The following PIGP variants were observed in gnomAD, a reference collection of about 807,000 sequenced individuals.
The protein encoded by PIGP is phosphatidylinositol N-acetylglucosaminyltransferase subunit P.
Under a neutral mutation model 16.9 loss-of-function variants are expected in PIGP, and 12 were observed. The observed-to-expected ratio is 0.71, with a 90% CI of 0.46 to 1.15. The LOEUF (loss-of-function observed/expected upper bound fraction) is 1.15, where lower values mean the gene tolerates loss of function less well. Among genes scored for constraint, PIGP ranks in the 50% most tolerant of loss-of-function variants. The pLI, the probability that PIGP is intolerant of heterozygous loss-of-function variation, is 0.00. For missense variants in PIGP, 159 were observed against 153.5 expected, an observed-to-expected ratio of 1.04 and a Z score of -0.19; for synonymous variants, 57 against 54.7, an observed-to-expected ratio of 1.04 and a Z score of -0.18.
chr21:37,069,547 C>T lies in PIGP; in HGVS notation c.155+5G>A. 6.6e-7 allele frequency: 1 copy of T among 1,518,354 alleles called. No individual in the cohort carries two copies. Among genetic ancestry groups the T allele is most frequent in the Non-Finnish European group, 8.9e-7 (1 of 1,118,662 alleles). 94.1% of individuals were successfully genotyped at this position (1,518,354 alleles called of 1,614,324 possible). Reference sequence around the variant, plus strand: ...ATCCTCATTTAAGAAATATATTAAACTTACTTTTGAGGCCAATAGGTTAAA... The same window carrying T: ...ATCCTCATTTAAGAAATATATTAAATTTACTTTTGAGGCCAATAGGTTAAA... On this transcript the variant is annotated splice_donor_5th_base_variant and intron_variant, in intron 3 of 4. Coordinates refer to ENST00000360525, the MANE Select transcript of PIGP (RefSeq NM_153682.3).
At position 37,065,451 on chromosome 21, in the gene PIGP, AG is replaced by A. The variant is rs1458067096; in HGVS notation, c.*130del. 6.6e-6 allele frequency: 5 copies of A among 756,422 alleles called. No individual in the cohort carries two copies. The highest frequency in any genetic ancestry group is 1.0e-5 in the Non-Finnish European group (5 of 489,210). The allele number at this position is 756,422 out of a possible 1,614,324, so 46.9% of individuals were successfully genotyped here. ...TACAATATTCATTGAACATAATCTAAGAGAAGGTCAACTTACATTTTTTACT... is the reference window on the plus strand; with the variant it reads ...TACAATATTCATTGAACATAATCTAAAGAAGGTCAACTTACATTTTTTACT... On this transcript the variant is annotated 3_prime_UTR_variant, in exon 5 of 5. Transcript: ENST00000360525.
chr21:37,066,927 T>C (rs996918047), intron 4 of PIGP, among the ~76,000 whole-genome samples: 2 of 152,150 alleles, frequency 1.3e-5, no homozygotes, highest in Non-Finnish European at 2.9e-5. Flanking sequence ...TTTCCTTTTA[T>C]ATAAGTTTGT....
At chr21:37,066,048 A>G (rs539809458) in intron 4 of PIGP, among the ~76,000 whole-genome samples, 2 of 152,182 alleles carry the variant, frequency 1.3e-5, no homozygotes, top group Admixed American at 1.3e-4. Flanking sequence ...GCGCCATTGC[A>G]CTCCAGCCTG....
intron 2 of PIGP, 45 bp downstream of exon 2, chr21:37,072,389 G>C: frequency 6.2e-7 from 1 of 1,611,844 alleles, no homozygotes; most frequent in Non-Finnish European, 8.5e-7. Context: ...CCTTGTCACT[G>C]AACGCCAGAA....
At chr21:37,070,023 C>T (rs940376130) in intron 2 of PIGP, among the ~76,000 whole-genome samples, 7 of 152,148 alleles carry the variant, frequency 4.6e-5, no homozygotes, top group African/African-American at 1.2e-4. Flanking sequence ...TAGTTCTCAT[C>T]CACCACATAC....
chr21:37,072,268 G>A (rs993673918), intron 2 of PIGP, 166 bp downstream of exon 2: 2 of 1,609,530 alleles, frequency 1.2e-6, no homozygotes, highest in Non-Finnish European at 8.5e-7. Flanking sequence ...GGCTAGTGCT[G>A]GCACACGGAA....
chr21:37,068,967 C>T (rs1431238393), intron 3 of PIGP, among the ~76,000 whole-genome samples: 4 of 152,154 alleles, frequency 2.6e-5, no homozygotes, highest in African/African-American at 9.7e-5. Flanking sequence ...CTTAACCTTG[C>T]CAGAGAGTAA....
At chr21:37,070,032 ACTGAG>A (rs1368713881) in intron 2 of PIGP, among the ~76,000 whole-genome samples, 3 of 152,100 alleles carry the variant, frequency 2.0e-5, no homozygotes, top group African/African-American at 7.2e-5. Flanking sequence ...TCCACCACAT[ACTGAG>A]CTTCTGCCCT....
intron 1 of PIGP, 136 bp from the exon 2 acceptor site, chr21:37,072,673 C>T (rs2146820010): frequency 6.7e-7 from 1 of 1,490,278 alleles, no homozygotes; most frequent in African/African-American, 1.4e-5. Context: ...GCAACCCGCG[C>T]CCCCGCCTCG....
chr21:37,072,677 C>T (rs542835416), intron 1 of PIGP, 140 bp from the exon 2 acceptor site: 10 of 1,452,650 alleles, frequency 6.9e-6, no homozygotes, highest in South Asian at 1.2e-5. Flanking sequence ...CCCGCGCCCC[C>T]GCCTCGAGCG....
chr21:37,070,638 C>G (rs2069988669), intron 2 of PIGP, among the ~76,000 whole-genome samples: 1 of 152,182 alleles, frequency 6.6e-6, no homozygotes, highest in African/African-American at 2.4e-5. Context: ...CTATCTCCCC[C>G]CGGCATGAGA....
At chr21:37,072,935 T>TG (rs983827135) in intron 1 of PIGP, 65 bp downstream of exon 1, 34 of 238,780 alleles carry the variant, frequency 1.4e-4, no homozygotes, top group Middle Eastern at 1.4e-3. Context: ...AGGCGGGGTA[T>TG]GGGGGGGCCC....
chr21:37,066,596 C>T lies in PIGP; in HGVS notation c.274+666G>A, dbSNP rs554704504. 1.4e-3 allele frequency among the ~76,000 whole-genome samples: 209 copies of T among 152,208 alleles called. 2 individuals are homozygous for T. The highest frequency in any genetic ancestry group is 4.6e-3 in the African/African-American group (190 of 41,518). ...AGAACTTTAAAAAAATAAAACCAGA[C>T]GAACGTGTTGTGGCTCTTTTATCCA... On this transcript the variant is annotated intron_variant, in intron 4 of 4. Transcript: ENST00000360525.
At chr21:37,069,335 T>G (rs769034331) in intron 3 of PIGP, 3 of 326,740 alleles carry the variant, frequency 9.2e-6, no homozygotes, top group Non-Finnish European at 1.7e-5. Context: ...TAACAAGATT[T>G]TTGGAGGAAA....
In PIGP at chr21:37,065,533, A is replaced by G; in HGVS notation, c.*49T>C. 6.4e-7 allele frequency: 1 copy of G among 1,570,416 alleles called. No homozygotes were observed. Among genetic ancestry groups the G allele is most frequent in the East Asian group, 2.3e-5 (1 of 43,816 alleles). On this transcript the variant is annotated 3_prime_UTR_variant, in exon 5 of 5. Transcript: ENST00000360525. ...ATTTATGGTCAAAATTATAATGGCA[A>G]AAACTTATAAATAAATACGTGCTTG...
At position 37,072,544 on chromosome 21, in the gene PIGP, A is replaced by T. The variant is rs2146818519; in HGVS notation, c.-22-7T>A. On this transcript the variant is annotated splice_polypyrimidine_tract_variant and splice_region_variant and intron_variant, in intron 1 of 4. Coordinates refer to ENST00000360525, the MANE Select transcript of PIGP (RefSeq NM_153682.3). ...TCCTGGGGCTTTAGACAATCTGTGG[A>T]AAAGGAACACAATCAGCGTCAGCGA... 1 of 1,614,164 alleles carries T rather than the reference A, an allele frequency of 6.2e-7. No homozygotes were observed. Among genetic ancestry groups the T allele is most frequent in the Non-Finnish European group, 8.5e-7 (1 of 1,179,956 alleles).
At chr21:37,072,169 C>T (rs747191105) in intron 2 of PIGP, 8 of 1,361,916 alleles carry the variant, frequency 5.9e-6, no homozygotes, top group African/African-American at 1.4e-5. Context: ...CACAAGACCA[C>T]GACCTCCTTA....
chr21:37,071,988 C>T (rs984831886), intron 2 of PIGP, among the ~76,000 whole-genome samples: 2 of 152,184 alleles, frequency 1.3e-5, no homozygotes, highest in African/African-American at 2.4e-5. Context: ...TCATTCAAGG[C>T]CTTTCCACTT....
At chr21:37,069,282 G>T (rs1386692741) in intron 3 of PIGP, 1 of 236,198 alleles carries the variant, frequency 4.2e-6, no homozygotes, top group South Asian at 1.2e-4. Flanking sequence ...TGTTTCTGTG[G>T]TTTGTATCTT....
Sources: gnomAD v4.1 joint callset for allele counts (sites outside exome capture counted in the v4.1 genomes callset) on GRCh38, gnomAD v4.1.1 for gene constraint, MANE v1.5 for transcripts, NCBI Gene and HGNC (gene_info 2026-07-23, HGNC 2026-07-21) for gene names.